CDCP1: variants seen among roughly 807,000 people sequenced by gnomAD.
CDCP1 encodes CUB domain containing protein 1, also known as CUB domain-containing protein 1.
Under a neutral mutation model 60.2 loss-of-function variants are expected in CDCP1, and 29 were observed. The observed-to-expected ratio is 0.48, with a 90% CI of 0.36 to 0.66. The LOEUF is 0.66. Among genes scored for constraint, CDCP1 ranks in the 30% least tolerant of loss-of-function variants. The probability of loss-of-function intolerance (pLI) is 0.00; values close to 1 mark genes in which losing one functional copy is unlikely to be tolerated. For missense variants in CDCP1, 876 were observed against 1,074.3 expected, an observed-to-expected ratio of 0.82 and a Z score of 2.58; for synonymous variants, 387 against 431.1, an observed-to-expected ratio of 0.90 and a Z score of 1.27.
At chr3:45,107,088 C>T (rs919190856) in intron 4 of CDCP1, among the ~76,000 whole-genome samples, 3 of 152,212 alleles carry the variant, frequency 2.0e-5, no homozygotes, top group African/African-American at 7.2e-5. Flanking sequence ...TCTCCTGCCT[C>T]CAACCTCACC....
chr3:45,120,954 C>G (rs186909031), intron 1 of CDCP1, among the ~76,000 whole-genome samples: 1 of 152,106 alleles, frequency 6.6e-6, no homozygotes, highest in South Asian at 2.1e-4. Context: ...GCTTGATGTC[C>G]GTGAGCTCCT....
chr3:45,120,672 T>C (rs1318949757), intron 1 of CDCP1, among the ~76,000 whole-genome samples: 1 of 152,162 alleles, frequency 6.6e-6, no homozygotes, highest in East Asian at 1.9e-4. Flanking sequence ...CAAAACTTCT[T>C]GTCTTTCTGG....
chr3:45,088,866 CT>C (rs1410439150), intron 8 of CDCP1, among the ~76,000 whole-genome samples, 187 bp downstream of exon 8: 3 of 151,574 alleles, frequency 2.0e-5, no homozygotes, highest in Non-Finnish European at 2.9e-5. Context: ...TTATCCCCCC[CT>C]CACCCCCAGG....
At chr3:45,097,931 G>A (rs80051342) in intron 4 of CDCP1, among the ~76,000 whole-genome samples, 20,792 of 152,052 alleles carry the variant, frequency 0.14, 1,665 homozygotes, top group African/African-American at 0.2. Flanking sequence ...AATTTGATTT[G>A]GAAAATAGTC....
At position 45,146,331 on chromosome 3, in the gene CDCP1, G is replaced by C. The variant is rs1267617434; in HGVS notation, c.-44C>G. 6.6e-7 allele frequency: 1 copy of C among 1,506,304 alleles called. No homozygotes were observed. Among genetic ancestry groups the C allele is most frequent in the Admixed American group, 2.2e-5 (1 of 45,004 alleles). The allele number at this position is 1,506,304 out of a possible 1,614,324, so 93.3% of individuals were successfully genotyped here. On this transcript the variant is annotated 5_prime_UTR_variant, in exon 1 of 9. Transcript: ENST00000296129. ...CCTCGGTGGGGAAAACGACGGTGGG[G>C]AGCGGCGGCCCCAGGCGCCCAAGCC...
intron 1 of CDCP1, among the ~76,000 whole-genome samples, chr3:45,136,678 C>T (rs1227198547): frequency 6.6e-6 from 1 of 152,224 alleles, no homozygotes; most frequent in Non-Finnish European, 1.5e-5. Context: ...TACTGCATCC[C>T]TTCTACACAA....
intron 1 of CDCP1, among the ~76,000 whole-genome samples, chr3:45,132,787 A>T (rs1450268007): frequency 6.6e-6 from 1 of 152,212 alleles, no homozygotes; most frequent in Admixed American, 6.5e-5. Flanking sequence ...GGCCATGATC[A>T]TTACCATTCC....
At chr3:45,092,065 G>A (rs1042501904) in intron 6 of CDCP1, among the ~76,000 whole-genome samples, 3 of 152,184 alleles carry the variant, frequency 2.0e-5, no homozygotes, top group Non-Finnish European at 2.9e-5. Context: ...AAAGAGCCGG[G>A]ATTATAGGCA....
In CDCP1 at chr3:45,091,575, A is replaced by T. The variant is rs1231910907; in HGVS notation, c.1628-37T>A. 6.4e-7 allele frequency: 1 copy of T among 1,553,762 alleles called. No individual in the cohort carries two copies. Among genetic ancestry groups the T allele is most frequent in the East Asian group, 2.3e-5 (1 of 44,034 alleles). The stretch of plus-strand genomic sequence containing the variant: ...GGAGGGAGATCCAGACAGATGTTTC[A>T]TTCAGTCAACATGGAGAGGAAAGGG... On this transcript the variant is annotated intron_variant, in intron 6 of 8. Coordinates refer to ENST00000296129, the MANE Select transcript of CDCP1 (RefSeq NM_022842.5). This position sits in a 1 kb window ranked among gnomAD's most constrained non-coding sequence, Gnocchi z 4.8.
At chr3:45,095,297 G>C in intron 5 of CDCP1, 50 bp downstream of exon 5, 1 of 1,542,846 alleles carries the variant, frequency 6.5e-7, no homozygotes, top group Non-Finnish European at 8.9e-7. Flanking sequence ...AAGGCGGGGA[G>C]AGAAGAGCTA....
Position 45,093,384 on chromosome 3 carries a change from A to G in CDCP1, c.1520T>C (p.Ile507Thr). 1 of 1,614,082 alleles carries G rather than the reference A, an allele frequency of 6.2e-7. No homozygotes were observed. The highest frequency in any genetic ancestry group is 1.7e-4 in the Middle Eastern group (1 of 6,060). ...SFCPGGSIKQ[I>T]QVKQNISVTL... is the part of the protein sequence containing the mutation. The stretch of plus-strand genomic sequence containing the variant: ...CACCGAGATGTTCTGCTTCACCTGG[A>G]TCTGCTTGATAGAGCCTCCCGGGCA... Residue 507 changes from isoleucine to threonine, a missense_variant, in exon 6 of 9, where the codon ATC (isoleucine) becomes ACC (threonine). Physicochemically the swap from Ile to Thr is moderately conservative, Grantham distance 89. Around this residue, in one of 2 missense-constraint regions of CDCP1, gnomAD observed 726 missense variants for 935.7 expected, o/e 0.78. Transcript: ENST00000296129.
rs772094762 is a variant in CDCP1 at position 45,091,316 on chromosome 3, T to G, written c.1850A>C (p.Glu617Ala). ...IIQEQRTRAE[E>A]IFSLDEDVLP... The stretch of plus-strand genomic sequence containing the variant: ...CACATCCTCGTCCAGGCTGAAGATC[T>G]CCTCAGCCCGGGTCCGCTGCTCCTG... Residue 617 changes from glutamate to alanine, a missense_variant, in exon 7 of 9, where the codon GAG (glutamate) becomes GCG (alanine). Around this residue, in one of 2 missense-constraint regions of CDCP1, gnomAD observed 726 missense variants for 935.7 expected, o/e 0.78. Transcript: ENST00000296129. The surrounding 1 kb of genome is among the most constrained non-coding windows in gnomAD (Gnocchi z 4.8). The G allele has an allele frequency of 5.6e-6, 9 of 1,613,982 alleles. No individual in the cohort carries two copies. The African/African-American group carries it at 1.2e-4, about 22-fold the overall frequency.
At position 45,110,659 on chromosome 3, in the gene CDCP1, GCTC is replaced by G; in HGVS notation, c.835_837del (p.Glu279del). ...GAGCCCGGGATGTAGTATTCAACCC[GCTC>G]CTCCTTCCTCTCACAGTTGGAGAGG... is the stretch of plus-strand genomic sequence containing the variant. On this transcript the variant is annotated inframe_deletion, in exon 4 of 9. Coordinates refer to ENST00000296129, the MANE Select transcript of CDCP1 (RefSeq NM_022842.5). 6.2e-7 allele frequency: 1 copy of G among 1,614,130 alleles called. No homozygotes were observed. The highest frequency in any genetic ancestry group is 1.1e-5 in the South Asian group (1 of 91,076).
At chr3:45,107,373 A>C (rs923053167) in intron 4 of CDCP1, among the ~76,000 whole-genome samples, 1 of 151,584 alleles carries the variant, frequency 6.6e-6, no homozygotes, top group East Asian at 1.9e-4. Context: ...CGCCCGGCTA[A>C]TTTTTTGTAT....
chr3:45,118,879 C>T (rs1576105393), intron 1 of CDCP1, among the ~76,000 whole-genome samples: 1 of 152,254 alleles, frequency 6.6e-6, no homozygotes, highest in Non-Finnish European at 1.5e-5. Flanking sequence ...AACACTATAC[C>T]ACATTCTAGA....
In CDCP1 at chr3:45,120,990, T is replaced by C. The variant is rs1217977371; in HGVS notation, c.83-2369A>G. 2.0e-5 allele frequency among the ~76,000 whole-genome samples: 3 copies of C among 152,236 alleles called. No homozygotes were observed. The East Asian group carries it at 5.8e-4, about 29-fold the overall frequency. On this transcript the variant is annotated intron_variant, in intron 1 of 8. Coordinates refer to ENST00000296129, the MANE Select transcript of CDCP1 (RefSeq NM_022842.5). ...ACAGGAGGCAGCAGGAACTTGCCCG[T>C]ATTTTTTAGTGGTAGCCCCACGACC...
chr3:45,098,145 C>T (rs1235953801), intron 4 of CDCP1, among the ~76,000 whole-genome samples: 3 of 152,070 alleles, frequency 2.0e-5, no homozygotes, highest in Non-Finnish European at 4.4e-5. Context: ...TTCCATCTTA[C>T]CAAAGCCATG....
intron 8 of CDCP1, among the ~76,000 whole-genome samples, chr3:45,086,664 C>A (rs899303212): frequency 6.6e-6 from 1 of 152,222 alleles, no homozygotes; most frequent in African/African-American, 2.4e-5. Context: ...TCAGTAGTCA[C>A]CCCCAACAGA....
At chr3:45,145,814 G>A (rs1417237392) in intron 1 of CDCP1, among the ~76,000 whole-genome samples, 1 of 152,188 alleles carries the variant, frequency 6.6e-6, no homozygotes, top group East Asian at 1.9e-4. Context: ...GTGCTTTCAA[G>A]AATCCCGGCA....
Sources: gnomAD v4.1 joint callset for allele counts (sites outside exome capture counted in the v4.1 genomes callset) on GRCh38, gnomAD v4.1.1 for gene constraint, gnomAD v4.1.1 regional missense constraint, Gnocchi (gnomAD v3.1) non-coding constraint, MANE v1.5 for transcripts, NCBI Gene and HGNC (gene_info 2026-07-23, HGNC 2026-07-21) for gene names.